ARHGEF4: variants seen among roughly 807,000 people sequenced by gnomAD.
ARHGEF4 encodes the protein Rho guanine nucleotide exchange factor 4.
ARHGEF4 carries 119 observed loss-of-function variants against 162.0 expected under a neutral mutation model. That is an observed-to-expected ratio of 0.73 (90% confidence interval 0.63 to 0.86). The LOEUF (loss-of-function observed/expected upper bound fraction) is 0.86, where lower values mean the gene tolerates loss of function less well. ARHGEF4 is among the 40% of genes least tolerant of loss of function. The probability of loss-of-function intolerance (pLI) is 0.00; values close to 1 mark genes in which losing one functional copy is unlikely to be tolerated. For synonymous variants in ARHGEF4, 1,014 were observed against 979.9 expected (o/e 1.03, Z -0.65); for missense variants, 2,488 against 2,456.0 (o/e 1.01, Z -0.28).
intron 1 of ARHGEF4, among the ~76,000 whole-genome samples, chr2:130,846,656 G>T (rs759782137): frequency 6.6e-6 from 1 of 152,200 alleles, no homozygotes; most frequent in Non-Finnish European, 1.5e-5. Flanking sequence ...CCCTCAGGAG[G>T]TGCGGGGGCA....
At chr2:130,936,153 G>A (rs533214771) in intron 3 of ARHGEF4, among the ~76,000 whole-genome samples, 1 of 152,194 alleles carries the variant, frequency 6.6e-6, no homozygotes, top group Non-Finnish European at 1.5e-5. Context: ...AGAAGAATGT[G>A]TATTCTGTTG....
In ARHGEF4 at chr2:130,917,422, A is replaced by G. The variant is rs1402366509; in HGVS notation, c.3476A>G (p.Glu1159Gly). The G allele has an allele frequency of 2.6e-6, 4 of 1,550,494 alleles. No individual in the cohort carries two copies. Among genetic ancestry groups the G allele is most frequent in the Non-Finnish European group, 3.5e-6 (4 of 1,147,000 alleles). Residue 1159 changes from glutamate (E) to glycine (G), a missense_variant, in exon 2 of 14, where the codon GAA becomes GGA. Physicochemically the swap from Glu to Gly is moderately conservative, Grantham distance 98. This residue lies in a region of ARHGEF4 where 1,642 missense variants were observed against 1,481.5 expected (regional missense o/e 1.11). Transcript: ENST00000409359. ...ACGCTAAACCAAGATGAGCAGAAGG[A>G]AGAGAGCAGGGAAGGAGGCCAGGGT... ...LQTLNQDEQK[E>G]ESREGGQGPR...
At chr2:131,010,255 C>T (rs1276895464) in intron 4 of ARHGEF4, among the ~76,000 whole-genome samples, 1 of 152,182 alleles carries the variant, frequency 6.6e-6, no homozygotes, top group Non-Finnish European at 1.5e-5. Flanking sequence ...AGGTTTCTCT[C>T]TGTGTTTTAG....
intron 2 of ARHGEF4, among the ~76,000 whole-genome samples, chr2:130,918,550 G>A (rs1268097988): frequency 6.6e-6 from 1 of 152,206 alleles, no homozygotes. Context: ...GTGGCCTCTC[G>A]GGCGCTCCCC....
At chr2:130,987,777 G>A (rs1014768852) in intron 4 of ARHGEF4, among the ~76,000 whole-genome samples, 1 of 152,198 alleles carries the variant, frequency 6.6e-6, no homozygotes, top group South Asian at 2.1e-4. Context: ...GGGTGGCTGT[G>A]GGATTGTCAT....
chr2:130,866,365 CAA>C (rs1402828820), intron 1 of ARHGEF4, among the ~76,000 whole-genome samples: 1 of 152,110 alleles, frequency 6.6e-6, no homozygotes, highest in Non-Finnish European at 1.5e-5. Context: ...GCCTGGGTGA[CAA>C]GAGCGAAACT....
intron 1 of ARHGEF4, among the ~76,000 whole-genome samples, chr2:130,867,546 A>G (rs76216368): frequency 0.02 from 3,068 of 152,032 alleles, 93 homozygotes; most frequent in African/African-American, 0.07. Context: ...AATATATTGT[A>G]TTTTCATTTT....
At chr2:131,006,671 T>G (rs190603556) in intron 4 of ARHGEF4, among the ~76,000 whole-genome samples, 210 of 151,438 alleles carry the variant, frequency 1.4e-3, no homozygotes, top group Non-Finnish European at 2.5e-3. Flanking sequence ...CTTTTATGCT[T>G]TTGGGGTTCT....
intron 1 of ARHGEF4, among the ~76,000 whole-genome samples, chr2:130,884,574 G>T (rs1679395097): frequency 6.6e-6 from 1 of 152,082 alleles, no homozygotes; most frequent in Admixed American, 6.5e-5. Context: ...TGGCTGGCAT[G>T]ATTTTTAATA....
intron 6 of ARHGEF4, 69 bp downstream of exon 6, chr2:131,039,101 C>A (rs1690543630): frequency 6.7e-7 from 1 of 1,497,316 alleles, no homozygotes; most frequent in Non-Finnish European, 8.9e-7. Flanking sequence ...GCAGAGAAAT[C>A]CAAGCCCAAA....
intron 1 of ARHGEF4, among the ~76,000 whole-genome samples, chr2:130,893,540 G>T (rs1044960577): frequency 1.3e-5 from 2 of 152,174 alleles, no homozygotes; most frequent in Non-Finnish European, 2.9e-5. Flanking sequence ...CTTTGTTGGG[G>T]CACGGTGCTG....
chr2:131,046,042 T>C lies in ARHGEF4; in HGVS notation c.5484T>C (p.Val1828=). The C allele has an allele frequency of 6.2e-7, 1 of 1,610,634 alleles. No homozygotes were observed. The highest frequency in any genetic ancestry group is 8.5e-7 in the Non-Finnish European group (1 of 1,178,350). The change falls in exon 14 of 14, where the codon GTT becomes GTC. Residue 1828 remains valine (V), a synonymous_variant. Transcript: ENST00000409359. ...KQQVTGKPKA[V]GRPCYLTRQK... is the part of the protein sequence containing the mutation. ...CTGCTGTCTCTCCCTGTTCAGCTGT[T>C]GGCCGGCCCTGCTACCTGACGCGCC...
At chr2:130,971,961 G>A (rs1048228188) in intron 4 of ARHGEF4, among the ~76,000 whole-genome samples, 1 of 152,178 alleles carries the variant, frequency 6.6e-6, no homozygotes, top group Non-Finnish European at 1.5e-5. Flanking sequence ...TAGTGCTGGG[G>A]GCCCCATAAG....
At chr2:131,019,035 T>C (rs1688930221) in intron 4 of ARHGEF4, among the ~76,000 whole-genome samples, 1 of 152,190 alleles carries the variant, frequency 6.6e-6, no homozygotes, top group African/African-American at 2.4e-5. Flanking sequence ...TCCAACTTTG[T>C]TTTTTTCAAA....
At chr2:130,885,966 G>C (rs991963349) in intron 1 of ARHGEF4, among the ~76,000 whole-genome samples, 1 of 152,110 alleles carries the variant, frequency 6.6e-6, no homozygotes, top group East Asian at 1.9e-4. Context: ...TAATCACACT[G>C]TGAATCAAGA....
chr2:130,937,159 C>CT (rs1171821037), intron 3 of ARHGEF4, among the ~76,000 whole-genome samples: 1 of 151,736 alleles, frequency 6.6e-6, no homozygotes, highest in South Asian at 2.1e-4. Context: ...GATCTTCCCC[C>CT]CTCGGCCTCC....
chr2:131,045,821 TC>T, intron 13 of ARHGEF4: 3 of 1,434,320 alleles, frequency 2.1e-6, no homozygotes, highest in Non-Finnish European at 9.1e-7. Flanking sequence ...ACCCCCCTCT[TC>T]AGGCTGCTGC....
At position 131,043,584 on chromosome 2, in the gene ARHGEF4, G is replaced by A; in HGVS notation, c.5157+1G>A. 3 of 1,613,936 alleles carry A rather than the reference G, an allele frequency of 1.9e-6. No homozygotes were observed. Among genetic ancestry groups the A allele is most frequent in the Non-Finnish European group, 2.5e-6 (3 of 1,179,956 alleles). On this transcript the variant is annotated splice_donor_variant, in intron 11 of 13. Coordinates refer to ENST00000409359, the MANE Select transcript of ARHGEF4 (RefSeq NM_001367493.1). LOFTEE classifies it high-confidence loss of function. ...CCACCAGCTCATCTACTGTAAGAAG[G>A]TACCAGAGCTGCTCTGCCCTGCTGC...
intron 1 of ARHGEF4, among the ~76,000 whole-genome samples, chr2:130,838,715 C>T (rs1239492729): frequency 6.6e-6 from 1 of 152,168 alleles, no homozygotes; most frequent in Non-Finnish European, 1.5e-5. Context: ...GAGCCCTGGA[C>T]CTTGGTTCTG....
Sources: allele counts gnomAD v4.1 joint callset (sites outside exome capture counted in the v4.1 genomes callset), GRCh38; gene constraint gnomAD v4.1.1; regional missense constraint gnomAD v4.1.1; transcripts MANE v1.5; gene names NCBI Gene and HGNC (gene_info 2026-07-23, HGNC 2026-07-21).